Variants in COL28A1 observed in about 807,000 individuals in gnomAD.
The protein encoded by COL28A1 is collagen type XXVIII alpha 1 chain.
Under a neutral mutation model 150.2 loss-of-function variants are expected in COL28A1, and 161 were observed. That is an observed-to-expected ratio of 1.07 (90% confidence interval 0.94 to 1.22). The LOEUF is 1.22. Ranked by LOEUF, COL28A1 falls within the 50% of genes most tolerant of loss-of-function variation. The probability of loss-of-function intolerance (pLI) is 0.00; values close to 1 mark genes in which losing one functional copy is unlikely to be tolerated. For missense variants in COL28A1, 1,617 were observed against 1,388.3 expected, an observed-to-expected ratio of 1.16 and a Z score of -2.62; for synonymous variants, 552 against 469.7, an observed-to-expected ratio of 1.18 and a Z score of -2.26.
intron 15 of COL28A1, among the ~76,000 whole-genome samples, chr7:7,473,638 C>G (rs1009415070): frequency 1.3e-5 from 2 of 152,100 alleles, no homozygotes; most frequent in Non-Finnish European, 2.9e-5. Flanking sequence ...AGATTCCTTA[C>G]AGAATTAAAA....
At position 7,477,145 on chromosome 7, in the gene COL28A1, C is replaced by G. The variant is rs779040121; in HGVS notation, c.1200G>C (p.Arg400Ser). ...PRGPEGVPGE[R>S]GLPGEGFPGP... ...CTGGAAATCCTTCTCCGGGTAAGCC[C>G]CTCTCTCCTGGTACTCCCTCAGGAC... The change falls in exon 14 of 35, where the codon AGG becomes AGC. Residue 400 changes from arginine to serine, a missense_variant. Arg to Ser is a moderately radical substitution (Grantham distance 110). Transcript: ENST00000399429. 7.4e-7 allele frequency: 1 copy of G among 1,355,194 alleles called. No homozygotes were observed. The highest frequency in any genetic ancestry group is 1.2e-5 in the South Asian group (1 of 85,876). The allele number at this position is 1,355,194 out of a possible 1,614,324, so 83.9% of individuals were successfully genotyped here. A position where few individuals can be genotyped will look rare whatever the true frequency, so the allele number is the denominator to read the frequency against.
chr7:7,400,973 T>TGGG (rs200700715), intron 27 of COL28A1, among the ~76,000 whole-genome samples: 3 of 113,184 alleles, frequency 2.7e-5, no homozygotes, highest in East Asian at 4.6e-4. Context: ...TGTGGGTATT[T>TGGG]GGGTGTGTGT....
At chr7:7,506,509 G>C (rs1780818852) in intron 10 of COL28A1, among the ~76,000 whole-genome samples, 1 of 152,212 alleles carries the variant, frequency 6.6e-6, no homozygotes, top group African/African-American at 2.4e-5. Flanking sequence ...ACTAGATGGT[G>C]TCTAGGAGAT....
intron 25 of COL28A1, among the ~76,000 whole-genome samples, chr7:7,422,685 G>C (rs1331416818): frequency 6.6e-6 from 1 of 151,506 alleles, no homozygotes; most frequent in Non-Finnish European, 1.5e-5. Flanking sequence ...CTCCTGCTGT[G>C]ATACATTAGA....
the COL28A1 span, among the ~76,000 whole-genome samples, chr7:7,340,062 C>T: frequency 6.0e-5 from 9 of 149,500 alleles, no homozygotes; most frequent in Admixed American, 6.0e-4. Flanking sequence ...GTGATCTCGG[C>T]TCACTCCAAC....
rs1233280896 is a variant in COL28A1 at position 7,456,039 on chromosome 7, A to G, written c.1371+5T>C. ...CTGAAGGGAAAGGAAGAATGCATTAATTACCTGTTCCCCTTGACTCCCGAT... is the reference window on the plus strand; with the variant it reads ...CTGAAGGGAAAGGAAGAATGCATTAGTTACCTGTTCCCCTTGACTCCCGAT... On this transcript the variant is annotated splice_donor_5th_base_variant and intron_variant, in intron 16 of 34. Transcript: ENST00000399429. 1.3e-5 allele frequency: 21 copies of G among 1,613,690 alleles called. No individual in the cohort carries two copies. In the Admixed American group the frequency reaches 3.5e-4, roughly 27 times the overall value.
intron 8 of COL28A1, among the ~76,000 whole-genome samples, chr7:7,514,024 G>T (rs1781291012): frequency 6.6e-6 from 1 of 152,106 alleles, no homozygotes; most frequent in African/African-American, 2.4e-5. Flanking sequence ...GATGGTTCAG[G>T]GTCACTTTGC....
In COL28A1 at chr7:7,370,786, C is replaced by A; in HGVS notation, c.3005G>T (p.Gly1002Val). 1 of 1,613,650 alleles carries A rather than the reference C, an allele frequency of 6.2e-7. No homozygotes were observed. The highest frequency in any genetic ancestry group is 8.5e-7 in the Non-Finnish European group (1 of 1,179,750). ...FGSSSPQPGF[G>V]MSGEELSEST... ...TTCACTGAGTTCTTCCCCTGACATC[C>A]CAAATCCAGGTTGAGGTGACGATGA... The change falls in exon 33 of 35, where the codon GGG (glycine) becomes GTG (valine). Residue 1002 changes from glycine (G) to valine (V), a missense_variant. By Grantham distance (109) the Gly-to-Val change is moderately radical. Transcript: ENST00000399429.
intron 11 of COL28A1, among the ~76,000 whole-genome samples, chr7:7,498,625 T>C (rs1331990100): frequency 1.3e-5 from 2 of 152,180 alleles, no homozygotes; most frequent in Non-Finnish European, 2.9e-5. Flanking sequence ...AATATTATGT[T>C]ATTATATATT....
chr7:7,423,533 C>T (rs1050335474), intron 25 of COL28A1, among the ~76,000 whole-genome samples: 4 of 148,278 alleles, frequency 2.7e-5, no homozygotes, highest in Admixed American at 2.7e-4. Flanking sequence ...CGTGTGTATT[C>T]TTGGGATGTA....
intron 11 of COL28A1, among the ~76,000 whole-genome samples, chr7:7,500,836 G>C (rs1780480993): frequency 6.6e-6 from 1 of 152,114 alleles, no homozygotes; most frequent in Non-Finnish European, 1.5e-5. Flanking sequence ...ATGGAAGCTT[G>C]AAAAAGTAGG....
In COL28A1 at chr7:7,383,913, TTATATAAAATGGTAC is replaced by T. The variant is rs567659700; in HGVS notation, c.2137-2316_2137-2302del. Among the ~76,000 whole-genome samples the T allele has an allele frequency of 4.3e-3, 651 of 152,150 alleles. 14 individuals are homozygous for T. Among genetic ancestry groups the T allele is most frequent in the Admixed American group, 0.036 (544 of 15,266 alleles). ...GGAAACTCTTACATCGAAACAAATATTATATAAAATGGTACAAAATAAAATGAACACAGCACAGAT... is the reference window on the plus strand; with the variant it reads ...GGAAACTCTTACATCGAAACAAATATAAAATAAAATGAACACAGCACAGAT... On this transcript the variant is annotated intron_variant, in intron 27 of 34. Coordinates refer to ENST00000399429, the MANE Select transcript of COL28A1 (RefSeq NM_001037763.3).
At chr7:7,395,959 T>C (rs1001868882) in intron 27 of COL28A1, among the ~76,000 whole-genome samples, 2 of 152,218 alleles carry the variant, frequency 1.3e-5, no homozygotes, top group African/African-American at 4.8e-5. Flanking sequence ...CTTAGTGGGT[T>C]AATAACAGTT....
chr7:7,449,956 T>C (rs1360415297), intron 18 of COL28A1, among the ~76,000 whole-genome samples: 1 of 152,092 alleles, frequency 6.6e-6, no homozygotes, highest in Admixed American at 6.6e-5. Flanking sequence ...CCCTAAAACA[T>C]GTATCTTAGA....
intron 27 of COL28A1, 142 bp from the exon 28 acceptor site, chr7:7,381,754 T>G (rs1781886545): frequency 3.6e-6 from 2 of 556,504 alleles, no homozygotes; most frequent in Admixed American, 6.7e-5. Flanking sequence ...TATATGTATA[T>G]AAATACATAT....
chr7:7,406,547 G>A (rs1350397903), intron 27 of COL28A1, among the ~76,000 whole-genome samples: 1 of 152,112 alleles, frequency 6.6e-6, no homozygotes. Flanking sequence ...ATAGTGCTAT[G>A]AAAACAATAA....
At position 7,369,174 on chromosome 7, in the gene COL28A1, G is replaced by A. The variant is rs532607621; in HGVS notation, c.3066+1551C>T. 1.1e-3 allele frequency among the ~76,000 whole-genome samples: 163 copies of A among 152,304 alleles called. 1 individual carries two copies. Among genetic ancestry groups the A allele is most frequent in the African/African-American group, 3.8e-3 (158 of 41,552 alleles). On this transcript the variant is annotated intron_variant, in intron 33 of 34. Transcript: ENST00000399429. ...AAAGGGATGTTGATTGACTAGGAGA[G>A]GGACAAAGTGGTAAGTCACACAAAC...
intron 27 of COL28A1, among the ~76,000 whole-genome samples, chr7:7,387,617 T>A (rs1273263897): frequency 6.6e-6 from 1 of 152,164 alleles, no homozygotes; most frequent in Admixed American, 6.5e-5. Flanking sequence ...TGCAAAGTGA[T>A]ATAGCAAATG....
intron 33 of COL28A1, 56 bp from the exon 34 acceptor site, chr7:7,360,584 T>C: frequency 1.3e-6 from 2 of 1,526,594 alleles, no homozygotes; most frequent in Non-Finnish European, 1.8e-6. Flanking sequence ...AAAAAAATAC[T>C]AGTTTGCTTT....
Sources: gnomAD v4.1 joint callset for allele counts (sites outside exome capture counted in the v4.1 genomes callset) on GRCh38, gnomAD v4.1.1 for gene constraint, MANE v1.5 for transcripts, NCBI Gene and HGNC (gene_info 2026-07-23, HGNC 2026-07-21) for gene names.